Variants in OMA1 observed in about 807,000 individuals in gnomAD.
OMA1 encodes metalloendopeptidase OMA1, mitochondrial.
OMA1 carries 38 observed loss-of-function variants against 30.9 expected under a neutral mutation model. The ratio of observed to expected loss-of-function variants is 1.23; its 90% CI spans 0.95 to 1.61. The LOEUF is 1.61. OMA1 is among the 40% of genes most tolerant of loss of function. The pLI, the probability that OMA1 is intolerant of heterozygous loss-of-function variation, is 0.00. For missense variants in OMA1, 461 were observed against 349.2 expected, an observed-to-expected ratio of 1.32 and a Z score of -2.55; for synonymous variants, 173 against 121.9, an observed-to-expected ratio of 1.42 and a Z score of -2.76.
intron 8 of OMA1, among the ~76,000 whole-genome samples, chr1:58,489,774 G>T (rs1645645308): frequency 6.6e-6 from 1 of 152,094 alleles, no homozygotes; most frequent in South Asian, 2.1e-4. Flanking sequence ...CAGCAACATT[G>T]GCTGTTCACC....
intron 2 of OMA1, among the ~76,000 whole-genome samples, chr1:58,537,753 T>C (rs1646539943): frequency 6.6e-6 from 1 of 152,226 alleles, no homozygotes; most frequent in African/African-American, 2.4e-5. Flanking sequence ...AGTGTGTCCA[T>C]TTAAAGGGAC....
intron 1 of OMA1, among the ~76,000 whole-genome samples, chr1:58,544,503 T>C (rs1484965882): frequency 6.6e-6 from 1 of 152,228 alleles, no homozygotes; most frequent in Non-Finnish European, 1.5e-5. Flanking sequence ...TATTTTCACC[T>C]TATATATTTC....
chr1:58,525,866 A>T (rs565401186), intron 7 of OMA1, among the ~76,000 whole-genome samples: 37 of 152,176 alleles, frequency 2.4e-4, no homozygotes, highest in African/African-American at 8.7e-4. Context: ...TAAACAAGCC[A>T]ATGGAACAGA....
At chr1:58,495,249 T>A (rs927891760) in intron 8 of OMA1, among the ~76,000 whole-genome samples, 9 of 151,956 alleles carry the variant, frequency 5.9e-5, no homozygotes, top group Non-Finnish European at 7.4e-5. Context: ...AAGGGGAACA[T>A]CACACACAGG....
chr1:58,486,405 C>T (rs1437988939), intron 8 of OMA1, among the ~76,000 whole-genome samples: 2 of 152,160 alleles, frequency 1.3e-5, no homozygotes, highest in African/African-American at 2.4e-5. Context: ...ATCTTTCTCC[C>T]GTTACCAACT....
chr1:58,519,604 A>C (rs1646228828), intron 7 of OMA1, among the ~76,000 whole-genome samples: 1 of 152,218 alleles, frequency 6.6e-6, no homozygotes, highest in African/African-American at 2.4e-5. Context: ...ATTCAGAGCC[A>C]ACAGAACTGT....
At chr1:58,492,291 A>C (rs1645709964) in intron 8 of OMA1, among the ~76,000 whole-genome samples, 1 of 152,204 alleles carries the variant, frequency 6.6e-6, no homozygotes, top group South Asian at 2.1e-4. Context: ...TTATAGCACT[A>C]AATGCTCACA....
intron 1 of OMA1, among the ~76,000 whole-genome samples, chr1:58,540,838 T>C (rs1289347436): frequency 6.8e-6 from 1 of 147,628 alleles, no homozygotes; most frequent in Non-Finnish European, 1.5e-5. Flanking sequence ...CTTGAAATAA[T>C]GGCCAAAAGT....
chr1:58,545,308 A>G (rs1463478491), intron 1 of OMA1, among the ~76,000 whole-genome samples: 1 of 152,246 alleles, frequency 6.6e-6, no homozygotes, highest in Non-Finnish European at 1.5e-5. Context: ...CACAGAAGGT[A>G]TAAGCAAAAG....
chr1:58,523,523 G>A (rs1646299607), intron 7 of OMA1, among the ~76,000 whole-genome samples: 1 of 152,116 alleles, frequency 6.6e-6, no homozygotes, highest in African/African-American at 2.4e-5. Context: ...TGTTGTGTTT[G>A]GGGGCAAGTA....
intron 8 of OMA1, among the ~76,000 whole-genome samples, chr1:58,485,881 A>G (rs1645568656): frequency 6.6e-6 from 1 of 152,212 alleles, no homozygotes; most frequent in South Asian, 2.1e-4. Flanking sequence ...CATTATGATA[A>G]ATGTCATAGA....
intron 6 of OMA1, among the ~76,000 whole-genome samples, chr1:58,528,802 T>C (rs1646389975): frequency 6.6e-6 from 1 of 152,222 alleles, no homozygotes; most frequent in African/African-American, 2.4e-5. Flanking sequence ...AGTGAGCAAC[T>C]TTCTAGAGAG....
intron 8 of OMA1, among the ~76,000 whole-genome samples, chr1:58,486,838 C>T (rs1645583280): frequency 6.6e-6 from 1 of 152,126 alleles, no homozygotes; most frequent in African/African-American, 2.4e-5. Flanking sequence ...GTAAGGAGGA[C>T]ACTAGCTTAA....
chr1:58,513,872 A>G (rs1646119872), intron 7 of OMA1, among the ~76,000 whole-genome samples: 1 of 152,242 alleles, frequency 6.6e-6, no homozygotes. Context: ...ACATAACTTG[A>G]CAAAGCTCAA....
At chr1:58,499,401 C>A (rs1268451346) in intron 8 of OMA1, among the ~76,000 whole-genome samples, 1 of 150,156 alleles carries the variant, frequency 6.7e-6, no homozygotes, top group African/African-American at 2.5e-5. Flanking sequence ...GGGAAAATTG[C>A]TTTAGCCCAG....
intron 8 of OMA1, among the ~76,000 whole-genome samples, chr1:58,497,738 T>G (rs1261368901): frequency 6.6e-6 from 1 of 152,180 alleles, no homozygotes; most frequent in East Asian, 1.9e-4. Flanking sequence ...GAAACTCTTA[T>G]CAACAAAGAA....
At chr1:58,535,741 A>G (rs2100486241) in intron 3 of OMA1, among the ~76,000 whole-genome samples, 1 of 152,312 alleles carries the variant, frequency 6.6e-6, no homozygotes, top group Admixed American at 6.5e-5. Context: ...CTCTGTCCCT[A>G]AGAAACTCAC....
intron 7 of OMA1, among the ~76,000 whole-genome samples, chr1:58,517,650 G>C (rs1267977519): frequency 2.6e-5 from 4 of 152,022 alleles, no homozygotes; most frequent in Non-Finnish European, 5.9e-5. Context: ...TCTGTCTCTT[G>C]AATTCTAATG....
chr1:58,495,701 TAA>T (rs5774412), intron 8 of OMA1, among the ~76,000 whole-genome samples: 6 of 145,048 alleles, frequency 4.1e-5, no homozygotes, highest in African/African-American at 7.5e-5. Context: ...TCTTCCACCA[TAA>T]AAAAAAAAAA....
Sources: allele counts gnomAD v4.1 joint callset (sites outside exome capture counted in the v4.1 genomes callset), GRCh38; gene constraint gnomAD v4.1.1; transcripts MANE v1.5; gene names NCBI Gene and HGNC (gene_info 2026-07-23, HGNC 2026-07-21).